Variants in TUSC3 observed in about 807,000 individuals in gnomAD.
The protein encoded by TUSC3 is tumor suppressor candidate 3.
TUSC3 carries 45 observed loss-of-function variants against 44.8 expected under a neutral mutation model. The ratio of observed to expected loss-of-function variants is 1.00; its 90% CI spans 0.79 to 1.29. The LOEUF (loss-of-function observed/expected upper bound fraction) is 1.29, where lower values mean the gene tolerates loss of function less well. Among genes scored for constraint, TUSC3 ranks in the 50% most tolerant of loss-of-function variants. The pLI is 0.00. For missense variants in TUSC3, 519 were observed against 437.9 expected, an observed-to-expected ratio of 1.19 and a Z score of -1.65; for synonymous variants, 212 against 152.9, an observed-to-expected ratio of 1.39 and a Z score of -2.85.
At chr8:15,794,765 GC>G in the TUSC3 span, among the ~76,000 whole-genome samples, 2 of 152,036 alleles carry the variant, frequency 1.3e-5, no homozygotes, top group Non-Finnish European at 1.5e-5. Flanking sequence ...AAGCACATTT[GC>G]CCTTTGATCC....
At chr8:15,505,739 A>G (rs1013547026) in intron 2 of TUSC3, among the ~76,000 whole-genome samples, 5 of 152,188 alleles carry the variant, frequency 3.3e-5, no homozygotes, top group African/African-American at 4.8e-5. Flanking sequence ...TATAATTGTA[A>G]AGTTAAAATG....
intron 3 of TUSC3, among the ~76,000 whole-genome samples, chr8:15,652,228 T>G (rs1257012305): frequency 6.6e-6 from 1 of 152,236 alleles, no homozygotes; most frequent in African/African-American, 2.4e-5. Flanking sequence ...TTTGGTATAA[T>G]GCTTACCAGG....
chr8:15,719,086 G>A (rs752091386), intron 6 of TUSC3, among the ~76,000 whole-genome samples: 2 of 151,952 alleles, frequency 1.3e-5, no homozygotes, highest in African/African-American at 2.4e-5. Context: ...AACTTTCCCT[G>A]GTCTCCTTGC....
At chr8:15,455,449 CTA>C (rs1800242890) in intron 1 of TUSC3, among the ~76,000 whole-genome samples, 3 of 43,968 alleles carry the variant, frequency 6.8e-5, no homozygotes, top group Admixed American at 4.6e-4. Context: ...GTATACACAC[CTA>C]TGTATACACA....
intron 1 of TUSC3, among the ~76,000 whole-genome samples, chr8:15,603,578 TATC>T (rs1199022523): frequency 2.6e-5 from 4 of 151,812 alleles, no homozygotes; most frequent in East Asian, 1.9e-4. Flanking sequence ...CATATTGAAA[TATC>T]ATTATTACAA....
At chr8:15,811,053 G>GAAAGA in the TUSC3 span, among the ~76,000 whole-genome samples, 11 of 151,842 alleles carry the variant, frequency 7.2e-5, no homozygotes, top group Non-Finnish European at 1.2e-4. Flanking sequence ...GTGAGGAAAG[G>GAAAGA]AAAGAAAAGG....
At chr8:15,666,110 A>G in intron 5 of TUSC3, among the ~76,000 whole-genome samples, 1 of 151,520 alleles carries the variant, frequency 6.6e-6, no homozygotes, top group African/African-American at 2.4e-5. Flanking sequence ...AACAATATTG[A>G]CTTGGAACCA....
At chr8:15,701,903 T>C (rs1024915921) in intron 6 of TUSC3, among the ~76,000 whole-genome samples, 8 of 152,244 alleles carry the variant, frequency 5.3e-5, no homozygotes, top group Non-Finnish European at 1.2e-4. Context: ...CAGTAGGTTA[T>C]TTTTTTGGTT....
chr8:15,480,546 A>C (rs964668255), intron 1 of TUSC3, among the ~76,000 whole-genome samples: 3 of 152,150 alleles, frequency 2.0e-5, no homozygotes, highest in Non-Finnish European at 1.5e-5. Flanking sequence ...GTCTGATTTG[A>C]TTCTTTCTTA....
At chr8:15,455,902 C>A (rs1225080858) in intron 1 of TUSC3, among the ~76,000 whole-genome samples, 1 of 152,178 alleles carries the variant, frequency 6.6e-6, no homozygotes, top group African/African-American at 2.4e-5. Context: ...AGTGTAGCTT[C>A]CCCATTTATT....
At chr8:15,833,398 CACAT>C in the TUSC3 span, among the ~76,000 whole-genome samples, 4 of 152,124 alleles carry the variant, frequency 2.6e-5, no homozygotes, top group Non-Finnish European at 5.9e-5. Flanking sequence ...AACATGAAGA[CACAT>C]ACACACATAC....
At chr8:15,715,695 A>C (rs894372530) in intron 6 of TUSC3, among the ~76,000 whole-genome samples, 14 of 150,438 alleles carry the variant, frequency 9.3e-5, no homozygotes, top group Non-Finnish European at 1.5e-4. Flanking sequence ...CCTGATGTAA[A>C]ACAGAAAAAA....
At chr8:15,849,509 A>T in the TUSC3 span, among the ~76,000 whole-genome samples, 1 of 152,174 alleles carries the variant, frequency 6.6e-6, no homozygotes, top group Non-Finnish European at 1.5e-5. Context: ...TAGAAGATAA[A>T]CTGAAATAAA....
intron 2 of TUSC3, among the ~76,000 whole-genome samples, chr8:15,496,180 T>C (rs557532530): frequency 1.3e-5 from 2 of 152,268 alleles, no homozygotes; most frequent in African/African-American, 4.8e-5. Context: ...ACTCTCTGGG[T>C]CTCACTGTAG....
intron 2 of TUSC3, among the ~76,000 whole-genome samples, chr8:15,511,052 G>A (rs935783132): frequency 6.6e-6 from 1 of 152,088 alleles, no homozygotes; most frequent in Non-Finnish European, 1.5e-5. Context: ...GGCAAGCTAG[G>A]AATAGAAGAT....
At chr8:15,831,115 G>C in the TUSC3 span, among the ~76,000 whole-genome samples, 3 of 152,092 alleles carry the variant, frequency 2.0e-5, no homozygotes, top group Non-Finnish European at 4.4e-5. Context: ...ACCTTGAGGA[G>C]CTAGAGAACA....
chr8:15,529,364 G>T (rs141481644), intron 2 of TUSC3, among the ~76,000 whole-genome samples: 21 of 152,006 alleles, frequency 1.4e-4, no homozygotes, highest in Non-Finnish European at 2.8e-4. Flanking sequence ...TATGAAAAAA[G>T]GGCAAAGTTT....
chr8:15,573,229 T>TA (rs1181441987), intron 1 of TUSC3, among the ~76,000 whole-genome samples: 4 of 124,106 alleles, frequency 3.2e-5, no homozygotes, highest in African/African-American at 1.3e-4. Context: ...TATATATATA[T>TA]AAAAGTTTTT....
At chr8:15,525,640 A>G (rs1327639945) in intron 2 of TUSC3, among the ~76,000 whole-genome samples, 1 of 152,196 alleles carries the variant, frequency 6.6e-6, no homozygotes, top group Non-Finnish European at 1.5e-5. Context: ...TTCCCGTGAC[A>G]GGGCTAGGCA....
Sources: gnomAD v4.1 joint callset for allele counts (sites outside exome capture counted in the v4.1 genomes callset) on GRCh38, gnomAD v4.1.1 for gene constraint, MANE v1.5 for transcripts, NCBI Gene and HGNC (gene_info 2026-07-23, HGNC 2026-07-21) for gene names.